PPP2R3A: variants seen among roughly 807,000 people sequenced by gnomAD.
PPP2R3A encodes serine/threonine-protein phosphatase 2A regulatory subunit B'' subunit alpha.
Under a neutral mutation model 106.9 loss-of-function variants are expected in PPP2R3A, and 80 were observed. That is an observed-to-expected ratio of 0.75 (90% confidence interval 0.62 to 0.90). The LOEUF (loss-of-function observed/expected upper bound fraction) is 0.90. Among genes scored for constraint, PPP2R3A ranks in the 40% least tolerant of loss-of-function variants. PPP2R3A has a pLI of 0.00. For missense variants in PPP2R3A, 1,386 were observed against 1,350.4 expected, an observed-to-expected ratio of 1.03 and a Z score of -0.41; for synonymous variants, 483 against 468.3, an observed-to-expected ratio of 1.03 and a Z score of -0.41.
intron 3 of PPP2R3A, 137 bp from the exon 4 acceptor site, chr3:136,040,722 T>C (rs1935237517): frequency 1.9e-6 from 1 of 536,382 alleles, no homozygotes; most frequent in Non-Finnish European, 3.2e-6. Context: ...TATATTTTCC[T>C]ATGCTCCAGT....
intron 13 of PPP2R3A, chr3:136,106,599 A>G: frequency 2.6e-6 from 1 of 384,276 alleles, no homozygotes; most frequent in Non-Finnish European, 4.7e-6. Flanking sequence ...ATATTGATAA[A>G]CCCTGTACAT....
In PPP2R3A at chr3:136,145,065, G is replaced by C; in HGVS notation, c.3352G>C (p.Glu1118Gln). ...QEGFEDYETD[E>Q]PASPSEFGNK... ...CAGCTTTGAAGATTATGAAACAGAT[G>C]AACCTGCCTCTCCCTCTGAATTTGG... Residue 1118 changes from glutamate to glutamine, a missense_variant, in exon 14 of 14, where the codon GAA (glutamate) becomes CAA (glutamine). By Grantham distance (29) the Glu-to-Gln change is conservative (BLOSUM62 2). Transcript: ENST00000264977. 1 of 1,612,984 alleles carries C rather than the reference G, an allele frequency of 6.2e-7. No homozygotes were observed. The highest frequency in any genetic ancestry group is 8.5e-7 in the Non-Finnish European group (1 of 1,179,468).
chr3:136,145,861 T>G lies in PPP2R3A; in HGVS notation c.*695T>G, dbSNP rs1369460329. 1.3e-5 allele frequency: 2 copies of G among 152,350 alleles called. No individual in the cohort carries two copies. The highest frequency in any genetic ancestry group is 4.8e-5 in the African/African-American group (2 of 41,450). The allele number at this position is 152,350 out of a possible 1,614,324, so 9.4% of individuals were successfully genotyped here. ...AATCTCAAGATAAAAAAACACTTCTTAAATGAAGTATAGAATTTGACTCAT... is the reference window on the plus strand; with the variant it reads ...AATCTCAAGATAAAAAAACACTTCTGAAATGAAGTATAGAATTTGACTCAT... On this transcript the variant is annotated 3_prime_UTR_variant, in exon 14 of 14. Transcript: ENST00000264977.
intron 5 of PPP2R3A, among the ~76,000 whole-genome samples, chr3:136,063,859 C>T (rs1188893797): frequency 2.7e-5 from 4 of 149,726 alleles, no homozygotes; most frequent in South Asian, 2.1e-4. Flanking sequence ...GTCAGTGTGG[C>T]GATTCCTCAG....
intron 2 of PPP2R3A, among the ~76,000 whole-genome samples, chr3:136,017,584 CAGCT>C (rs2107809816): frequency 6.6e-6 from 1 of 152,316 alleles, no homozygotes; most frequent in Admixed American, 6.5e-5. Context: ...TTTTTCCAAA[CAGCT>C]GGCTGGCTTT....
intron 1 of PPP2R3A, among the ~76,000 whole-genome samples, chr3:135,999,578 T>C (rs1325323078): frequency 6.6e-6 from 1 of 152,020 alleles, no homozygotes; most frequent in African/African-American, 2.4e-5. Context: ...ACTCAAATGA[T>C]TTTAGACTGT....
At chr3:136,130,759 ATAC>A (rs1461266365) in intron 13 of PPP2R3A, among the ~76,000 whole-genome samples, 2 of 152,214 alleles carry the variant, frequency 1.3e-5, no homozygotes, top group Non-Finnish European at 2.9e-5. Context: ...ACTTCAAACT[ATAC>A]TACAAGGCTT....
rs1024047719 is a variant in PPP2R3A, at chr3:135,982,259, A to G, written c.-441+16410A>G. ...CATCTGTAAAAAGTTCTGTTTCACA[A>G]TAATGTACTCCAGTTGTGCATCTAC... is the stretch of plus-strand genomic sequence containing the variant. On this transcript the variant is annotated intron_variant, in intron 1 of 13. Coordinates refer to ENST00000264977, the MANE Select transcript of PPP2R3A (RefSeq NM_002718.5). Among the ~76,000 whole-genome samples the G allele has an allele frequency of 6.0e-5, 9 of 148,998 alleles. 1 individual carries two copies. The highest frequency in any genetic ancestry group is 2.3e-4 in the African/African-American group (9 of 38,408).
At chr3:136,068,954 T>A (rs1013919567) in intron 5 of PPP2R3A, among the ~76,000 whole-genome samples, 1 of 151,924 alleles carries the variant, frequency 6.6e-6, no homozygotes, top group Non-Finnish European at 1.5e-5. Flanking sequence ...TGACCAGACA[T>A]CAAACAAAAC....
chr3:135,986,265 G>A (rs572683908), intron 1 of PPP2R3A, among the ~76,000 whole-genome samples: 4 of 152,038 alleles, frequency 2.6e-5, no homozygotes, highest in South Asian at 2.1e-4. Context: ...TCAGCGGAAG[G>A]GTTAAGTTTT....
At chr3:135,975,010 T>C (rs1937373907) in intron 1 of PPP2R3A, among the ~76,000 whole-genome samples, 1 of 152,204 alleles carries the variant, frequency 6.6e-6, no homozygotes. Context: ...TTGTGAGTAC[T>C]GATGTGCTCC....
At chr3:136,055,089 A>T (rs1195426911) in intron 5 of PPP2R3A, 2 of 447,044 alleles carry the variant, frequency 4.5e-6, no homozygotes, top group Non-Finnish European at 7.8e-6. Context: ...ATATTTCCTT[A>T]ACTTCAAGAA....
chr3:136,015,575 C>CT (rs1380080344), intron 2 of PPP2R3A, among the ~76,000 whole-genome samples: 1 of 151,970 alleles, frequency 6.6e-6, no homozygotes, highest in African/African-American at 2.4e-5. Context: ...TTATCCATCT[C>CT]TTCTAGGTTT....
chr3:136,032,535 T>A (rs998629440), intron 3 of PPP2R3A, among the ~76,000 whole-genome samples: 14 of 150,136 alleles, frequency 9.3e-5, no homozygotes, highest in African/African-American at 2.2e-4. Flanking sequence ...TATTTATTTT[T>A]TTTTTTTCCT....
intron 3 of PPP2R3A, 100 bp downstream of exon 3, chr3:136,027,198 C>T (rs1472555963): frequency 1.9e-5 from 21 of 1,097,328 alleles, no homozygotes; most frequent in Non-Finnish European, 2.5e-5. Context: ...TTCACTGCCT[C>T]TTTGCTCTGT....
At chr3:136,050,161 A>G (rs1334127787) in intron 5 of PPP2R3A, among the ~76,000 whole-genome samples, 2 of 152,194 alleles carry the variant, frequency 1.3e-5, no homozygotes, top group African/African-American at 2.4e-5. Context: ...AAACTCATTT[A>G]TAGGGAGCAG....
chr3:136,123,427 T>C (rs913365486), intron 13 of PPP2R3A, among the ~76,000 whole-genome samples: 23 of 152,128 alleles, frequency 1.5e-4, no homozygotes, highest in African/African-American at 4.6e-4. Flanking sequence ...ATAAAGACTT[T>C]AAAAGCATAA....
chr3:135,991,085 T>C (rs1178805946), intron 1 of PPP2R3A, among the ~76,000 whole-genome samples: 5 of 152,150 alleles, frequency 3.3e-5, no homozygotes, highest in African/African-American at 1.2e-4. Context: ...ACTACTCTAT[T>C]CCAGGACTGG....
intron 1 of PPP2R3A, among the ~76,000 whole-genome samples, chr3:136,000,822 A>G (rs1264192555): frequency 6.6e-6 from 1 of 152,214 alleles, no homozygotes; most frequent in African/African-American, 2.4e-5. Flanking sequence ...GGCAAGGAGC[A>G]TGCAATAAGA....
Sources: allele counts gnomAD v4.1 joint callset (sites outside exome capture counted in the v4.1 genomes callset), GRCh38; gene constraint gnomAD v4.1.1; transcripts MANE v1.5; gene names NCBI Gene and HGNC (gene_info 2026-07-23, HGNC 2026-07-21).